The following RER1 variants were observed in gnomAD, a reference collection of about 807,000 sequenced individuals.
The protein encoded by RER1 is protein RER1.
Under a neutral mutation model 28.3 loss-of-function variants are expected in RER1, and 6 were observed. That is an observed-to-expected ratio of 0.21 (90% CI 0.12 to 0.42). The LOEUF is 0.42. RER1 is among the 10% of genes least tolerant of loss of function. The pLI is 1.00. For synonymous variants in RER1, 110 were observed against 95.9 expected (o/e 1.15, Z -0.86); for missense variants, 159 against 252.9 (o/e 0.63, Z 2.52).
intron 4 of RER1, among the ~76,000 whole-genome samples, chr1:2,400,484 G>T (rs187272369): frequency 6.6e-6 from 1 of 152,362 alleles, no homozygotes; most frequent in African/African-American, 2.4e-5. Flanking sequence ...CTGGCGCCCG[G>T]GTTCCACGGT....
intron 2 of RER1, chr1:2,396,103 C>T: frequency 1.9e-6 from 1 of 536,120 alleles, no homozygotes; most frequent in East Asian, 3.1e-5. Context: ...TTCTGTTTTC[C>T]TTTTACCAAG....
chr1:2,399,056 C>T (rs1322872421), intron 3 of RER1, among the ~76,000 whole-genome samples: 5 of 152,176 alleles, frequency 3.3e-5, no homozygotes, highest in East Asian at 1.9e-4. Flanking sequence ...CCGGGCCACC[C>T]GAGCCTGTGG....
chr1:2,402,137 G>C, intron 5 of RER1, 70 bp from the exon 6 acceptor site: 1 of 1,613,962 alleles, frequency 6.2e-7, no homozygotes, highest in East Asian at 2.2e-5. Context: ...CAGCTGCAAG[G>C]CTGGAGGCGG....
chr1:2,405,324 C>A lies in RER1; in HGVS notation c.*2200C>A. ...CACTGCACTGGCTGAAGCAACCCGC[C>A]AGCCTCCGTGCCCCACCCCACCCAG... On this transcript the variant is annotated 3_prime_UTR_variant, in exon 7 of 7. Transcript: ENST00000605895. 1 of 330,908 alleles carries A rather than the reference C, an allele frequency of 3.0e-6. No homozygotes were observed. Among genetic ancestry groups the A allele is most frequent in the Non-Finnish European group, 5.9e-6 (1 of 170,340 alleles). 20.5% of individuals were successfully genotyped at this position (330,908 alleles called of 1,614,324 possible).
chr1:2,401,819 G>A, intron 5 of RER1: 1 of 534,182 alleles, frequency 1.9e-6, no homozygotes. Context: ...TGGGACGGGA[G>A]GGAGCACTGG....
rs371756627 is a variant in RER1 at position 2,402,353 on chromosome 1, G to C, written c.501+11G>C. 1.3e-5 allele frequency: 21 copies of C among 1,613,802 alleles called. No individual in the cohort carries two copies. The highest frequency in any genetic ancestry group is 1.6e-5 in the Non-Finnish European group (19 of 1,179,854). Reference sequence around the variant, plus strand: ...AAGAGGCAAATCAAGGTAAAGCAGAGGCGCTGCCGCCACGCCGGCCGCAAT... The same window carrying C: ...AAGAGGCAAATCAAGGTAAAGCAGACGCGCTGCCGCCACGCCGGCCGCAAT... On this transcript the variant is annotated intron_variant, in intron 6 of 6. Coordinates refer to ENST00000605895, the MANE Select transcript of RER1 (RefSeq NM_007033.5).
intron 1 of RER1, chr1:2,393,360 C>G (rs1642718597): frequency 6.6e-6 from 1 of 152,168 alleles, no homozygotes; most frequent in South Asian, 2.1e-4. Flanking sequence ...AGAAAGGTAT[C>G]AGGAAACAGT....
rs753898176 is a variant in RER1, at chr1:2,402,243, C to T, written c.402C>T (p.Val134=). The T allele has an allele frequency of 6.2e-7, 1 of 1,614,226 alleles. No individual in the cohort carries two copies. Among genetic ancestry groups the T allele is most frequent in the East Asian group, 2.2e-5 (1 of 44,880 alleles). ...CCAAGGGCATCCTTGTGGCTATGGT[C>T]TGTACTTTCTTCGACGCTTTCAACG... ...AATKGILVAM[V]CTFFDAFNVP... is the part of the protein sequence containing the mutation. Residue 134 remains valine (V), a synonymous_variant, in exon 6 of 7, where the codon GTC becomes GTT. Transcript: ENST00000605895.
chr1:2,400,227 C>T (rs1642826288), intron 4 of RER1, among the ~76,000 whole-genome samples: 1 of 152,374 alleles, frequency 6.6e-6, no homozygotes, highest in African/African-American at 2.4e-5. Context: ...AACCTGCTGT[C>T]AGGGAGTAGG....
chr1:2,399,239 A>T (rs1281607478), intron 3 of RER1, among the ~76,000 whole-genome samples, 176 bp from the exon 4 acceptor site: 1 of 152,194 alleles, frequency 6.6e-6, no homozygotes, highest in Non-Finnish European at 1.5e-5. Context: ...AATTTGAGAT[A>T]AATTGTTACC....
At chr1:2,396,280 T>C in intron 2 of RER1, 1 of 217,078 alleles carries the variant, frequency 4.6e-6, no homozygotes, top group Non-Finnish European at 9.5e-6. Context: ...GAGAGGCTCT[T>C]GTGTGGGCTG....
chr1:2,401,480 C>T lies in RER1; in HGVS notation c.365+545C>T, dbSNP rs551614850. Among the ~76,000 whole-genome samples, 28 of 139,470 alleles carry T rather than the reference C, an allele frequency of 2.0e-4. No individual in the cohort carries two copies. In the South Asian group the frequency reaches 6.8e-3, roughly 34 times the overall value. The allele number at this position is 139,470 out of a possible 152,430, so 91.5% of individuals were successfully genotyped here. On this transcript the variant is annotated intron_variant, in intron 5 of 6. Transcript: ENST00000605895. ...GGCTGGCAGAGGGACTAGCCTTCTC[C>T]TGGAGTCATTTTTGAGAGGGGTTTG...
At chr1:2,397,840 A>G (rs1056257789) in intron 3 of RER1, among the ~76,000 whole-genome samples, 5 of 152,166 alleles carry the variant, frequency 3.3e-5, no homozygotes, top group African/African-American at 1.2e-4. Context: ...GCAAACCTGT[A>G]AGATGGGAAT....
Position 2,395,839 on chromosome 1 carries a change from G to A in RER1, c.49G>A (p.Val17Met). The A allele has an allele frequency of 1.2e-6, 2 of 1,614,116 alleles. No homozygotes were observed. The highest frequency in any genetic ancestry group is 1.7e-6 in the Non-Finnish European group (2 of 1,179,944). Residue 17 changes from valine (V) to methionine (M), a missense_variant, in exon 2 of 7, where the codon GTG becomes ATG. Transcript: ENST00000605895. ...AGAATCCGTCCATGGGAAACCTTCG[G>A]TGGTGTACAGATTTTTCACAAGACT... ...VGESVHGKPS[V>M]VYRFFTRLGQ...
At chr1:2,400,722 G>A (rs746753800) in intron 4 of RER1, 135 bp from the exon 5 acceptor site, 27 of 757,704 alleles carry the variant, frequency 3.6e-5, no homozygotes, top group Non-Finnish European at 6.0e-5. Flanking sequence ...CCGTTTTCTC[G>A]TTTTCTCTGG....
chr1:2,396,756 G>C (rs1304061610), intron 2 of RER1, among the ~76,000 whole-genome samples: 1 of 152,142 alleles, frequency 6.6e-6, no homozygotes. Flanking sequence ...GAGATGTGAC[G>C]ATAAGGGCTG....
At position 2,403,310 on chromosome 1, in the gene RER1, TG is replaced by T; in HGVS notation, c.*188del. 3 of 557,448 alleles carry T rather than the reference TG, an allele frequency of 5.4e-6. No individual in the cohort carries two copies. The highest frequency in any genetic ancestry group is 9.7e-6 in the Non-Finnish European group (3 of 309,400). 34.5% of individuals were successfully genotyped at this position (557,448 alleles called of 1,614,324 possible). A position where few individuals can be genotyped will look rare whatever the true frequency, so the allele number is the denominator to read the frequency against. ...AAACTGGCGCTTAAACCAAATCGCA[TG>T]GATTTCTTTTTCAGTGACGTTCAAG... On this transcript the variant is annotated 3_prime_UTR_variant, in exon 7 of 7. Transcript: ENST00000605895.
In RER1 at chr1:2,402,053, G is replaced by T. The variant is rs1482326385; in HGVS notation, c.366-154G>T. The T allele has an allele frequency of 1.9e-6, 3 of 1,569,222 alleles. No individual in the cohort carries two copies. In the African/African-American group the frequency reaches 4.1e-5, roughly 21 times the overall value. ...CATGTCTGTGAGCTACATGCAAAGG[G>T]TCCTGCTGCTGCTGTGCCCAGGGTA... is the stretch of plus-strand genomic sequence containing the variant. On this transcript the variant is annotated intron_variant, in intron 5 of 6. Transcript: ENST00000605895.
chr1:2,401,904 A>G (rs1316230494), intron 5 of RER1: 2 of 885,458 alleles, frequency 2.3e-6, no homozygotes, highest in Non-Finnish European at 3.3e-6. Context: ...TCCAGATCGC[A>G]GGCCCAGCCA....
Sources: gnomAD v4.1 joint callset for allele counts (sites outside exome capture counted in the v4.1 genomes callset) on GRCh38, gnomAD v4.1.1 for gene constraint, MANE v1.5 for transcripts, NCBI Gene and HGNC (gene_info 2026-07-23, HGNC 2026-07-21) for gene names.